The following RGS10 variants were observed in gnomAD, a reference collection of about 807,000 sequenced individuals.
The protein encoded by RGS10 is regulator of G protein signaling 10.
A neutral mutation model predicts 23.5 loss-of-function variants in RGS10; 11 were observed. The observed-to-expected ratio is 0.47, with a 90% CI of 0.29 to 0.77. The LOEUF (loss-of-function observed/expected upper bound fraction) is 0.77, where lower values mean the gene tolerates loss of function less well. Ranked by LOEUF, RGS10 falls within the 30% of genes least tolerant of loss-of-function variation. The pLI, the probability that RGS10 is intolerant of heterozygous loss-of-function variation, is 0.08. For synonymous variants in RGS10, 77 were observed against 83.2 expected, an observed-to-expected ratio of 0.92 and a Z score of 0.41; for missense variants, 180 against 226.3, an observed-to-expected ratio of 0.80 and a Z score of 1.31.
Position 119,527,438 on chromosome 10 carries a change from T to C in RGS10, c.50-14A>G. On this transcript the variant is annotated splice_polypyrimidine_tract_variant and intron_variant, in intron 1 of 4. Transcript: ENST00000369103. The surrounding 1 kb of genome is among the most constrained non-coding windows in gnomAD (Gnocchi z 4.2). Reference sequence around the variant, plus strand: ...TGTCGTGGATGTCTGCAAAGCAAAGTTCAGACTGCATATGTGGCCAACAGA... The same window carrying C: ...TGTCGTGGATGTCTGCAAAGCAAAGCTCAGACTGCATATGTGGCCAACAGA... The C allele has an allele frequency of 6.2e-7, 1 of 1,600,004 alleles. No homozygotes were observed.
rs1437938270 is a variant in RGS10, at chr10:119,534,300, T to TAAAA, written c.50-6877_50-6876insTTTT. Among the ~76,000 whole-genome samples the TAAAA allele has an allele frequency of 4.0e-4, 37 of 92,376 alleles. 1 individual carries two copies. The East Asian group carries it at 7.8e-3, about 19-fold the overall frequency. 60.6% of individuals were successfully genotyped at this position (92,376 alleles called of 152,430 possible). On this transcript the variant is annotated intron_variant, in intron 1 of 4. Coordinates refer to ENST00000369103, the MANE Select transcript of RGS10 (RefSeq NM_001005339.2). ...ATAAATAAATAAATAAATAAATAAA[T>TAAAA]AAATAAAAAAGGCCAGGCACTGTGG... is the stretch of plus-strand genomic sequence containing the variant.
chr10:119,516,913 T>A (rs1792086975), intron 3 of RGS10, among the ~76,000 whole-genome samples: 1 of 152,190 alleles, frequency 6.6e-6, no homozygotes, highest in Non-Finnish European at 1.5e-5. Context: ...CGGGGCTGTT[T>A]CTCTGAACGT....
At chr10:119,518,712 CTT>C (rs901649220) in intron 3 of RGS10, among the ~76,000 whole-genome samples, 1 of 147,640 alleles carries the variant, frequency 6.8e-6, no homozygotes. Context: ...CCCAATCCCT[CTT>C]TTTTTTTTTC....
chr10:119,514,343 T>C (rs1175966928), intron 4 of RGS10, among the ~76,000 whole-genome samples: 1 of 147,866 alleles, frequency 6.8e-6, no homozygotes, highest in African/African-American at 2.5e-5. Flanking sequence ...GGCAACAGAG[T>C]GAGACTTCGT....
intron 4 of RGS10, among the ~76,000 whole-genome samples, chr10:119,506,759 G>A (rs1030877537): frequency 3.3e-5 from 5 of 152,202 alleles, no homozygotes; most frequent in Non-Finnish European, 5.9e-5. Context: ...GGAGTGCAGC[G>A]GCGCGATCTC....
At chr10:119,523,564 C>T (rs904594436) in intron 3 of RGS10, among the ~76,000 whole-genome samples, 2 of 152,168 alleles carry the variant, frequency 1.3e-5, no homozygotes, top group African/African-American at 4.8e-5. Flanking sequence ...ACTCGGGAGG[C>T]TGAGGCAGGA....
At chr10:119,520,016 T>C (rs1345386194) in intron 3 of RGS10, among the ~76,000 whole-genome samples, 1 of 152,180 alleles carries the variant, frequency 6.6e-6, no homozygotes, top group Non-Finnish European at 1.5e-5. Context: ...GCAGGCCCTG[T>C]AGCCCCTACT....
At chr10:119,542,007 C>T (rs1349153768) in intron 1 of RGS10, among the ~76,000 whole-genome samples, 2 of 152,254 alleles carry the variant, frequency 1.3e-5, no homozygotes, top group Non-Finnish European at 2.9e-5. Context: ...ACGGCCAAGG[C>T]GAATCCTTCG....
chr10:119,534,559 C>G (rs1235787730), intron 1 of RGS10, among the ~76,000 whole-genome samples: 1 of 138,030 alleles, frequency 7.2e-6, no homozygotes, highest in African/African-American at 2.7e-5. Flanking sequence ...CCACTACACT[C>G]CAGCCTGGGT....
At chr10:119,511,137 G>A (rs1043972908) in intron 4 of RGS10, among the ~76,000 whole-genome samples, 2 of 151,906 alleles carry the variant, frequency 1.3e-5, no homozygotes, top group Non-Finnish European at 2.9e-5. Flanking sequence ...TTTGTCCAAC[G>A]GCAGCCTTTG....
At chr10:119,506,617 A>T (rs959403109) in intron 4 of RGS10, among the ~76,000 whole-genome samples, 8 of 152,200 alleles carry the variant, frequency 5.3e-5, no homozygotes, top group African/African-American at 1.9e-4. Context: ...GGGTGAAGGC[A>T]TTTTAATTTT....
rs1844270595 is a variant in RGS10, at chr10:119,526,135, A to G, written c.169-17T>C. ...TAAAAATTCCTGTGGATACAAAGAA[A>G]AAGAGTCACACAGTATTCTACTTTA... On this transcript the variant is annotated splice_polypyrimidine_tract_variant and intron_variant, in intron 2 of 4. Coordinates refer to ENST00000369103, the MANE Select transcript of RGS10 (RefSeq NM_001005339.2). 7.6e-7 allele frequency: 1 copy of G among 1,321,190 alleles called. No individual in the cohort carries two copies. Among genetic ancestry groups the G allele is most frequent in the Non-Finnish European group, 1.1e-6 (1 of 936,952 alleles). The allele number at this position is 1,321,190 out of a possible 1,614,324, so 81.8% of individuals were successfully genotyped here.
intron 4 of RGS10, among the ~76,000 whole-genome samples, chr10:119,508,658 C>A (rs575621007): frequency 2.0e-5 from 3 of 152,302 alleles, no homozygotes; most frequent in African/African-American, 7.2e-5. Flanking sequence ...CTGAAAGGAC[C>A]AATAACGTCA....
intron 1 of RGS10, among the ~76,000 whole-genome samples, chr10:119,539,575 T>C (rs1420643735): frequency 6.6e-6 from 1 of 152,142 alleles, no homozygotes; most frequent in Non-Finnish European, 1.5e-5. Context: ...GAGAATTCTC[T>C]GGGGTGCTTG....
At chr10:119,507,095 A>G (rs7100441) in intron 4 of RGS10, among the ~76,000 whole-genome samples, 134,011 of 152,144 alleles carry the variant, frequency 0.88, 59,546 homozygotes, top group Non-Finnish European at 0.95. Flanking sequence ...TACGGTGTAC[A>G]CAGACAGCCA....
chr10:119,514,071 T>C (rs1216559511), intron 4 of RGS10, among the ~76,000 whole-genome samples: 1 of 152,182 alleles, frequency 6.6e-6, no homozygotes, highest in African/African-American at 2.4e-5. Flanking sequence ...AAATGGTAGT[T>C]AGGGCCAGGC....
In RGS10 at chr10:119,500,594, G is replaced by C. The variant is rs191799635; in HGVS notation, c.400-335C>G. ...CACTTTATTTGCCTAGATAAGACAA[G>C]GATGTATTTCTCCAAGAGCTTGAGA... On this transcript the variant is annotated intron_variant, in intron 4 of 4. Coordinates refer to ENST00000369103, the MANE Select transcript of RGS10 (RefSeq NM_001005339.2). Among the ~76,000 whole-genome samples, 675 of 151,850 alleles carry C rather than the reference G, an allele frequency of 4.4e-3. 15 individuals are homozygous for C. Among genetic ancestry groups the C allele is most frequent in the Middle Eastern group, 3.4e-3 (1 of 294 alleles).
chr10:119,505,702 A>G (rs753059325), intron 4 of RGS10, among the ~76,000 whole-genome samples: 38 of 152,050 alleles, frequency 2.5e-4, no homozygotes, highest in Non-Finnish European at 5.3e-4. Context: ...CCTGACGCAT[A>G]CTCATCTGTG....
chr10:119,540,311 C>T (rs893933898), intron 1 of RGS10, among the ~76,000 whole-genome samples: 1 of 152,168 alleles, frequency 6.6e-6, no homozygotes, highest in African/African-American at 2.4e-5. Context: ...AGTGCAGTGG[C>T]ACGATCTAAG....
Sources: gnomAD v4.1 joint callset for allele counts (sites outside exome capture counted in the v4.1 genomes callset) on GRCh38, gnomAD v4.1.1 for gene constraint, Gnocchi (gnomAD v3.1) non-coding constraint, MANE v1.5 for transcripts, NCBI Gene and HGNC (gene_info 2026-07-23, HGNC 2026-07-21) for gene names.